Variants in RTEL1 observed in about 807,000 individuals in gnomAD.
RTEL1 encodes the protein regulator of telomere elongation helicase 1, also known as regulator of telomere length.
RTEL1 carries 86 observed loss-of-function variants against 162.2 expected under a neutral mutation model. The ratio of observed to expected loss-of-function variants is 0.53; its 90% CI spans 0.45 to 0.63. The LOEUF (loss-of-function observed/expected upper bound fraction) is 0.63, where lower values mean the gene tolerates loss of function less well. RTEL1 is among the 30% of genes least tolerant of loss of function. The pLI is 0.00. For synonymous variants in RTEL1, 958 were observed against 717.9 expected (o/e 1.33, Z -5.35); for missense variants, 1,941 against 1,750.2 (o/e 1.11, Z -1.95).
At chr20:63,666,901 G>A (rs541926366) in intron 7 of RTEL1, among the ~76,000 whole-genome samples, 2 of 145,676 alleles carry the variant, frequency 1.4e-5, no homozygotes, top group Non-Finnish European at 3.0e-5. Context: ...GTGCAGTGGT[G>A]CGATCTCGGC....
At chr20:63,669,558 G>C (rs1054971454) in intron 8 of RTEL1, among the ~76,000 whole-genome samples, 5 of 152,250 alleles carry the variant, frequency 3.3e-5, no homozygotes, top group African/African-American at 1.2e-4. Flanking sequence ...GATTTGAAAG[G>C]ACCTTTGACC....
chr20:63,661,671 CT>C lies in RTEL1; in HGVS notation c.302-173del. ...TCGTGGGTGTAAACCTAGGGTTGGG[CT>C]TTTTTGCTGAATTAGGGCACGGCAG... is the stretch of plus-strand genomic sequence containing the variant. On this transcript the variant is annotated intron_variant, in intron 3 of 34. Transcript: ENST00000360203. The surrounding 1 kb of genome is among the most constrained non-coding windows in gnomAD (Gnocchi z 5.1). 3.3e-6 allele frequency: 3 copies of C among 902,664 alleles called. No individual in the cohort carries two copies. Among genetic ancestry groups the C allele is most frequent in the Non-Finnish European group, 5.0e-6 (3 of 596,134 alleles). 55.9% of individuals were successfully genotyped at this position (902,664 alleles called of 1,614,324 possible). A position where few individuals can be genotyped will look rare whatever the true frequency, so the allele number is the denominator to read the frequency against.
chr20:63,688,297 C>G lies in RTEL1; in HGVS notation c.1637-4C>G, dbSNP rs759414555. ...TGCCTTGACCCCGGCCCCTGCACTTCCAGGCAACATCGCCCGCGTGGTGCC... is the reference window on the plus strand; with the variant it reads ...TGCCTTGACCCCGGCCCCTGCACTTGCAGGCAACATCGCCCGCGTGGTGCC... On this transcript the variant is annotated splice_polypyrimidine_tract_variant and splice_region_variant and intron_variant, in intron 19 of 34. Transcript: ENST00000360203. 2 of 1,612,028 alleles carry G rather than the reference C, an allele frequency of 1.2e-6. No individual in the cohort carries two copies. Among genetic ancestry groups the G allele is most frequent in the South Asian group, 2.2e-5 (2 of 91,080 alleles).
intron 28 of RTEL1, 53 bp from the exon 29 acceptor site, chr20:63,692,752 G>C (rs1006456958): frequency 6.5e-7 from 1 of 1,544,328 alleles, no homozygotes. Context: ...TGCAGCCCCA[G>C]GGACCAGATG....
intron 30 of RTEL1, among the ~76,000 whole-genome samples, chr20:63,693,582 A>ACCACCT (rs2090864714): frequency 4.8e-5 from 1 of 20,624 alleles, no homozygotes; most frequent in Non-Finnish European, 1.1e-4. Context: ...CACCTCCACC[A>ACCACCT]CCACCACCTC....
At chr20:63,681,968 G>C (rs2090485730) in intron 14 of RTEL1, 10 of 985,304 alleles carry the variant, frequency 1.0e-5, no homozygotes, top group Non-Finnish European at 1.2e-5. Flanking sequence ...AGGAGGCCGT[G>C]CACCTATCAG....
At position 63,692,808 on chromosome 20, in the gene RTEL1, G is replaced by C; in HGVS notation, c.2656G>C (p.Glu886Gln). 1.2e-6 allele frequency: 2 copies of C among 1,609,870 alleles called. No individual in the cohort carries two copies. Among genetic ancestry groups the C allele is most frequent in the Non-Finnish European group, 8.5e-7 (1 of 1,177,838 alleles). The change falls in exon 29 of 35, where the codon GAG (glutamate) becomes CAG (glutamine). Residue 886 changes from glutamate (E) to glutamine (Q), a missense_variant. Coordinates refer to ENST00000360203, the MANE Select transcript of RTEL1 (RefSeq NM_001283009.2). ...GCCTCGGGCCTGTGTCCTGCAGGAGGAGCCCGTGGCTGGTGCACAGACGGA... is the reference window on the plus strand; with the variant it reads ...GCCTCGGGCCTGTGTCCTGCAGGAGCAGCCCGTGGCTGGTGCACAGACGGA... ...KKIRLVSHPE[E>Q]PVAGAQTDRA... is the part of the protein sequence containing the mutation.
At position 63,693,288 on chromosome 20, in the gene RTEL1, A is replaced by T; in HGVS notation, c.2992+5A>T. On this transcript the variant is annotated splice_donor_5th_base_variant and intron_variant, in intron 30 of 34. Coordinates refer to ENST00000360203, the MANE Select transcript of RTEL1 (RefSeq NM_001283009.2). ...AGCCGGTCCTGGACCCCACTGGTAA[A>T]TGGGGCCCCAGGTGGGACCCTCAGA... The T allele has an allele frequency of 6.2e-7, 1 of 1,611,420 alleles. No individual in the cohort carries two copies. The highest frequency in any genetic ancestry group is 8.5e-7 in the Non-Finnish European group (1 of 1,179,268).
intron 14 of RTEL1, chr20:63,681,044 A>G (rs1014605613): frequency 4.1e-6 from 4 of 985,218 alleles, no homozygotes; most frequent in African/African-American, 3.5e-5. Context: ...TGGCAGCCCC[A>G]GCAGCCCCAG....
intron 14 of RTEL1, chr20:63,682,001 G>C: frequency 1.0e-6 from 1 of 985,434 alleles, no homozygotes; most frequent in Non-Finnish European, 1.2e-6. Context: ...CCATGTCCCT[G>C]ATGGGTCACT....
Position 63,693,009 on chromosome 20 carries a change from C to G in RTEL1, c.2851+6C>G, listed in dbSNP as rs1601183088. ...GAAGCACAACCTGCTCCAAGGTGCC[C>G]TGGCTTGCAGAGGCCACCCACCCTG... On this transcript the variant is annotated splice_donor_region_variant and intron_variant, in intron 29 of 34. Transcript: ENST00000360203. The G allele has an allele frequency of 1.2e-6, 2 of 1,612,424 alleles. No homozygotes were observed. The highest frequency in any genetic ancestry group is 1.7e-5 in the Admixed American group (1 of 60,010).
rs754260726 is a variant in RTEL1 at position 63,659,516 on chromosome 20, G to A, written c.102+12G>A. Reference sequence around the variant, plus strand: ...AATGTCTGCAGCAGGTAGAGCACAGGCCCCGAGGAAAGGACTGCGGGTGGG... The same window carrying A: ...AATGTCTGCAGCAGGTAGAGCACAGACCCCGAGGAAAGGACTGCGGGTGGG... On this transcript the variant is annotated intron_variant, in intron 2 of 34. Transcript: ENST00000360203. 6 of 1,600,936 alleles carry A rather than the reference G, an allele frequency of 3.7e-6. No individual in the cohort carries two copies. In the Admixed American group the frequency reaches 8.3e-5, roughly 22 times the overall value.
intron 14 of RTEL1, among the ~76,000 whole-genome samples, chr20:63,684,455 G>C (rs1308982179): frequency 6.6e-6 from 1 of 152,002 alleles, no homozygotes; most frequent in Non-Finnish European, 1.5e-5. Flanking sequence ...CCGGGTTCAC[G>C]CCATTCTCCT....
In RTEL1 at chr20:63,695,601, C is replaced by T. The variant is rs1367137494; in HGVS notation, c.3773C>T (p.Pro1258Leu). ...GAGGACGTGGTGCCCTTCCAGTGCC[C>T]TGCCTGTGACTTCCAGCGCTGCCAA... Reference protein sequence around the residue: ...GAEDVVPFQCPACDFQRCQAC... With the variant: ...GAEDVVPFQCLACDFQRCQAC... Residue 1258 changes from proline (P) to leucine (L), a missense_variant, in exon 34 of 35, where the codon CCT becomes CTT. Transcript: ENST00000360203. The T allele has an allele frequency of 5.6e-6, 9 of 1,611,970 alleles. No homozygotes were observed. Among genetic ancestry groups the T allele is most frequent in the Non-Finnish European group, 7.6e-6 (9 of 1,179,904 alleles).
chr20:63,693,266 C>A lies in RTEL1; in HGVS notation c.2975C>A (p.Pro992Gln). 1 of 1,611,804 alleles carries A rather than the reference C, an allele frequency of 6.2e-7. No homozygotes were observed. The highest frequency in any genetic ancestry group is 8.5e-7 in the Non-Finnish European group (1 of 1,179,404). The change falls in exon 30 of 35, where the codon CCG (proline) becomes CAG (glutamine). Residue 992 changes from proline (P) to glutamine (Q), a missense_variant. By Grantham distance (76) the Pro-to-Gln change is moderately conservative (BLOSUM62 -1). Transcript: ENST00000360203. The stretch of plus-strand genomic sequence containing the variant: ...ATTCCCCGAAGGCAGCGGGCACAGC[C>A]GGTCCTGGACCCCACTGGTAAATGG... ...HSIPRRQRAQ[P>Q]VLDPTGRTAP... is the part of the protein sequence containing the mutation.
Position 63,659,243 on chromosome 20 carries a change from T to C in RTEL1, c.-160T>C, listed in dbSNP as rs1474242776. 3.1e-6 allele frequency: 2 copies of C among 645,274 alleles called. No individual in the cohort carries two copies. The highest frequency in any genetic ancestry group is 1.8e-5 in the African/African-American group (1 of 56,156). 40.0% of individuals were successfully genotyped at this position (645,274 alleles called of 1,614,324 possible). A position where few individuals can be genotyped will look rare whatever the true frequency, so the allele number is the denominator to read the frequency against. ...TACTGTCTTTCCCAGGTCTGTGCCA[T>C]AGGGATTCTCGAAGAGAACAGCGTT... On this transcript the variant is annotated 5_prime_UTR_variant, in exon 2 of 35. Transcript: ENST00000360203.
At chr20:63,687,457 G>T in intron 16 of RTEL1, 181 bp from the exon 17 acceptor site, 1 of 694,986 alleles carries the variant, frequency 1.4e-6, no homozygotes, top group South Asian at 2.1e-5. Flanking sequence ...CCCCAAGCTG[G>T]CAGGCTCACA....
In RTEL1 at chr20:63,694,757, A is replaced by C. The variant is rs3208008; in HGVS notation, c.3126A>C (p.Gln1042His). Residue 1042 changes from glutamine to histidine, a missense_variant, in exon 32 of 35, where the codon CAA (glutamine) becomes CAC (histidine). Gln to His is a conservative substitution (Grantham distance 24). Transcript: ENST00000360203. ...RPPPTGDPGS[Q>H]PQWGSGVPRA... ...CCACACCAGGAGACCCTGGCAGCCAACCACAGTGGGGGTCTGGAGTGCCCA... is the reference window on the plus strand; with the variant it reads ...CCACACCAGGAGACCCTGGCAGCCACCCACAGTGGGGGTCTGGAGTGCCCA... 1,214,418 of 1,603,768 alleles carry C rather than the reference A, an allele frequency of 0.76. 465,486 individuals are homozygous for C. The highest frequency in any genetic ancestry group is 0.94 in the African/African-American group (70,533 of 74,814).
At chr20:63,684,732 C>T (rs2090553008) in intron 14 of RTEL1, among the ~76,000 whole-genome samples, 1 of 152,162 alleles carries the variant, frequency 6.6e-6, no homozygotes. Flanking sequence ...CTTGGCCTCC[C>T]AGAGTGCTGG....
Sources: gnomAD v4.1 joint callset for allele counts (sites outside exome capture counted in the v4.1 genomes callset) on GRCh38, gnomAD v4.1.1 for gene constraint, Gnocchi (gnomAD v3.1) non-coding constraint, MANE v1.5 for transcripts, NCBI Gene and HGNC (gene_info 2026-07-23, HGNC 2026-07-21) for gene names.